SLC5A4: variants seen among roughly 807,000 people sequenced by gnomAD.
The protein encoded by SLC5A4 is solute carrier family 5 member 4.
A neutral mutation model predicts 70.3 loss-of-function variants in SLC5A4; 55 were observed. The observed-to-expected ratio is 0.78, with a 90% CI of 0.63 to 0.98. The LOEUF is 0.98. Among genes scored for constraint, SLC5A4 ranks in the 50% least tolerant of loss-of-function variants. The pLI, the probability that SLC5A4 is intolerant of heterozygous loss-of-function variation, is 0.00. For missense variants in SLC5A4, 735 were observed against 839.2 expected (o/e 0.88, Z 1.53); for synonymous variants, 268 against 305.7 (o/e 0.88, Z 1.29).
upstream of SLC5A4, among the ~76,000 whole-genome samples, chr22:32,258,916 T>C (rs113509149): frequency 6.6e-6 from 1 of 152,202 alleles, no homozygotes; most frequent in African/African-American, 2.4e-5. Flanking sequence ...TTCTACAATA[T>C]GCAACAATGT....
At chr22:32,321,789 G>A in the SLC5A4 span, among the ~76,000 whole-genome samples, 36 of 152,300 alleles carry the variant, frequency 2.4e-4, no homozygotes, top group African/African-American at 8.4e-4. Flanking sequence ...CCCTGCAAAG[G>A]ACATGATCTT....
At chr22:32,315,633 TACAC>T in the SLC5A4 span, among the ~76,000 whole-genome samples, 2 of 151,640 alleles carry the variant, frequency 1.3e-5, no homozygotes, top group Non-Finnish European at 2.9e-5. Context: ...TCAGAAGACA[TACAC>T]ACAGAAAATA....
At chr22:32,270,013 G>C in the SLC5A4 span, 114 of 498,016 alleles carry the variant, frequency 2.3e-4, no homozygotes, top group Non-Finnish European at 1.2e-5. Flanking sequence ...GAAGCTTCAG[G>C]AGCCCCCGGC....
chr22:32,333,322 G>A, the SLC5A4 span, among the ~76,000 whole-genome samples: 8 of 152,126 alleles, frequency 5.3e-5, no homozygotes, highest in African/African-American at 1.9e-4. Flanking sequence ...ATGGGGAGAG[G>A]CCTCCGGAAG....
chr22:32,287,766 C>G, the SLC5A4 span, among the ~76,000 whole-genome samples: 4 of 150,654 alleles, frequency 2.7e-5, no homozygotes, highest in African/African-American at 9.8e-5. Flanking sequence ...GGATTACAGA[C>G]ATAAGCCACT....
chr22:32,218,839 T>C, intron 14 of SLC5A4, 114 bp from the exon 15 acceptor site: 4 of 704,710 alleles, frequency 5.7e-6, no homozygotes, highest in Non-Finnish European at 6.9e-6. Context: ...GCTGGGAGTG[T>C]TAAGAGGAAT....
At chr22:32,271,291 G>A in the SLC5A4 span, 111 of 748,876 alleles carry the variant, frequency 1.5e-4, no homozygotes, top group Admixed American at 3.8e-4. Context: ...CACACAGGGC[G>A]AGGCCCGCAG....
At chr22:32,246,045 C>T (rs1382547337) in intron 5 of SLC5A4, among the ~76,000 whole-genome samples, 1 of 152,218 alleles carries the variant, frequency 6.6e-6, no homozygotes, top group African/African-American at 2.4e-5. Context: ...ATACTCTTCT[C>T]CGGGTGTGCA....
chr22:32,278,111 G>T, the SLC5A4 span, among the ~76,000 whole-genome samples: 1 of 152,148 alleles, frequency 6.6e-6, no homozygotes, highest in Admixed American at 6.6e-5. Context: ...TAGCGTGTTA[G>T]GGTCTACTGT....
chr22:32,350,851 A>G, the SLC5A4 span, among the ~76,000 whole-genome samples: 65 of 152,236 alleles, frequency 4.3e-4, no homozygotes, highest in African/African-American at 1.4e-3. Flanking sequence ...ATGATACAAT[A>G]TATATTGTTT....
the SLC5A4 span, among the ~76,000 whole-genome samples, chr22:32,341,047 G>C: frequency 6.6e-6 from 1 of 152,148 alleles, no homozygotes; most frequent in Non-Finnish European, 1.5e-5. Flanking sequence ...GAAAGAAAGA[G>C]AGGAGCCAAT....
rs79050275 is a variant in SLC5A4 at position 32,226,117 on chromosome 22, T to C, written c.1281-294A>G. 8.3e-3 allele frequency among the ~76,000 whole-genome samples: 1,266 copies of C among 152,334 alleles called. 19 individuals carry two copies. Among genetic ancestry groups the C allele is most frequent in the African/African-American group, 0.029 (1,213 of 41,580 alleles). ...AATAACTCCAATACACTACATGTAGTATATCAATTGGAAATAAATACCACA... is the reference window on the plus strand; with the variant it reads ...AATAACTCCAATACACTACATGTAGCATATCAATTGGAAATAAATACCACA... On this transcript the variant is annotated intron_variant, in intron 11 of 14. Coordinates refer to ENST00000266086, the MANE Select transcript of SLC5A4 (RefSeq NM_014227.3).
chr22:32,237,371 C>T (rs1472442818), intron 6 of SLC5A4, 47 bp from the exon 7 acceptor site: 1 of 1,318,864 alleles, frequency 7.6e-7, no homozygotes, highest in East Asian at 2.5e-5. Context: ...CATGTGTCCT[C>T]ATGTATTTAC....
chr22:32,324,267 G>GTA, the SLC5A4 span, among the ~76,000 whole-genome samples: 14,444 of 121,394 alleles, frequency 0.12, 1,019 homozygotes, highest in East Asian at 0.38. Context: ...ACACATATAT[G>GTA]TATATATATA....
At chr22:32,292,234 A>ATATAATATATACTAGATAT in the SLC5A4 span, among the ~76,000 whole-genome samples, 3 of 59,076 alleles carry the variant, frequency 5.1e-5, no homozygotes, top group African/African-American at 1.0e-4. Context: ...TCTATATATT[A>ATATAATATATACTAGATAT]TATATATAAT....
intron 7 of SLC5A4, 21 bp from the exon 8 acceptor site, chr22:32,235,114 A>G (rs1305240879): frequency 6.4e-7 from 1 of 1,550,460 alleles, no homozygotes; most frequent in South Asian, 1.1e-5. Flanking sequence ...ATCAGAGTAA[A>G]ATGAGATGTC....
At chr22:32,310,433 A>G in the SLC5A4 span, among the ~76,000 whole-genome samples, 1 of 152,144 alleles carries the variant, frequency 6.6e-6, no homozygotes, top group Non-Finnish European at 1.5e-5. Flanking sequence ...CTTCCAAGGC[A>G]CTGCACGTGG....
At chr22:32,301,784 A>G in the SLC5A4 span, among the ~76,000 whole-genome samples, 1 of 152,144 alleles carries the variant, frequency 6.6e-6, no homozygotes, top group South Asian at 2.1e-4. Context: ...ATGCTAATAA[A>G]GAGAATGGTA....
the SLC5A4 span, chr22:32,269,740 C>T: frequency 1.6e-5 from 10 of 636,098 alleles, no homozygotes; most frequent in East Asian, 7.7e-5. This position sits in a 1 kb window ranked among gnomAD's most constrained non-coding sequence, Gnocchi z 4.1. Context: ...GCAGCTTTCC[C>T]GCTGTGCACC....
Sources: allele counts gnomAD v4.1 joint callset (sites outside exome capture counted in the v4.1 genomes callset), GRCh38; gene constraint gnomAD v4.1.1; non-coding constraint Gnocchi (gnomAD v3.1); transcripts MANE v1.5; gene names NCBI Gene and HGNC (gene_info 2026-07-23, HGNC 2026-07-21).